The following PCTP variants were observed in gnomAD, a reference collection of about 807,000 sequenced individuals.
PCTP encodes the protein START domain-containing protein 2.
In PCTP, 27 loss-of-function variants were observed where a neutral mutation model predicts 31.0. That is an observed-to-expected ratio of 0.87 (90% CI 0.64 to 1.20). PCTP has a LOEUF of 1.20. Among genes scored for constraint, PCTP ranks in the 50% most tolerant of loss-of-function variants. The pLI is 0.00. For missense variants in PCTP, 287 were observed against 268.2 expected (o/e 1.07, Z -0.49); for synonymous variants, 108 against 101.2 (o/e 1.07, Z -0.40).
intron 3 of PCTP, among the ~76,000 whole-genome samples, chr17:55,805,251 T>C (rs1298918368): frequency 6.6e-6 from 1 of 152,166 alleles, no homozygotes; most frequent in Admixed American, 6.5e-5. Flanking sequence ...TGTGTTTTTT[T>C]CTTACATGAG....
chr17:55,835,354 G>A (rs1303257335), intron 5 of PCTP, among the ~76,000 whole-genome samples: 1 of 152,142 alleles, frequency 6.6e-6, no homozygotes, highest in African/African-American at 2.4e-5. Flanking sequence ...CACCACAAAA[G>A]CCTAAACTCC....
chr17:55,796,101 C>A (rs1307640117), intron 3 of PCTP, among the ~76,000 whole-genome samples: 1 of 151,902 alleles, frequency 6.6e-6, no homozygotes, highest in Admixed American at 6.6e-5. Context: ...CGAATTAAGG[C>A]AGCATGAAAG....
At chr17:55,781,804 G>A (rs2144987700), downstream of PCTP, among the ~76,000 whole-genome samples, 1 of 152,274 alleles carries the variant, frequency 6.6e-6, no homozygotes, top group Middle Eastern at 3.4e-3. Context: ...TATTTTTGTA[G>A]TAGGCTATAC....
At chr17:55,790,956 G>C (rs1277888833) in intron 3 of PCTP, among the ~76,000 whole-genome samples, 1 of 151,468 alleles carries the variant, frequency 6.6e-6, no homozygotes, top group Non-Finnish European at 1.5e-5. Flanking sequence ...CCAAAACAGA[G>C]ATATAGATCA....
chr17:55,777,762 G>A (rs1160945198), downstream of PCTP, among the ~76,000 whole-genome samples: 1 of 152,064 alleles, frequency 6.6e-6, no homozygotes, highest in Non-Finnish European at 1.5e-5. Flanking sequence ...TGCTCATTAT[G>A]GTCATCTGGA....
intron 5 of PCTP, among the ~76,000 whole-genome samples, chr17:55,837,758 CA>C (rs71363823): frequency 0.13 from 19,087 of 152,054 alleles, 1,362 homozygotes; most frequent in East Asian, 0.35. Flanking sequence ...CTCTCTTGCC[CA>C]GGGGTCGACT....
At chr17:55,774,989 G>A in intron 5 of PCTP, 130 bp downstream of exon 5, 3 of 1,031,748 alleles carry the variant, frequency 2.9e-6, no homozygotes, top group Non-Finnish European at 4.3e-6. Flanking sequence ...TTTATGAAGA[G>A]TTTGGTTGAG....
chr17:55,802,145 A>C (rs1372249135), intron 3 of PCTP, among the ~76,000 whole-genome samples: 1 of 152,214 alleles, frequency 6.6e-6, no homozygotes, highest in Non-Finnish European at 1.5e-5. Flanking sequence ...GGACACATAC[A>C]CACTCCCAAG....
intron 5 of PCTP, among the ~76,000 whole-genome samples, chr17:55,828,247 A>G (rs925930681): frequency 3.3e-5 from 5 of 152,168 alleles, no homozygotes; most frequent in African/African-American, 1.2e-4. Context: ...AAGTACTACA[A>G]ATTGGGTGGC....
chr17:55,840,389 C>A (rs190379835), intron 5 of PCTP, among the ~76,000 whole-genome samples: 1 of 152,152 alleles, frequency 6.6e-6, no homozygotes, highest in South Asian at 2.1e-4. Flanking sequence ...TGTATAATTC[C>A]AATCCACAGT....
In PCTP at chr17:55,773,762, AG is replaced by A. The variant is rs1379393997; in HGVS notation, c.381del (p.Arg128GlyfsTer5). Reference protein sequence around the residue: ...LRQRRDLDMEGRKIHVILARS... With the variant: ...LRQRRDLDMEXRKIHVILARS... ...GGCAGCGGCGAGACCTGGACATGGAAGGGAGGAAGATCCATGTGATCCTGGC... is the reference window on the plus strand; with the variant it reads ...GGCAGCGGCGAGACCTGGACATGGAAGGAGGAAGATCCATGTGATCCTGGC... On this transcript the variant is annotated frameshift_variant, in exon 4 of 6. Transcript: ENST00000268896. LOFTEE classifies it high-confidence loss of function. 8.7e-6 allele frequency: 14 copies of A among 1,613,726 alleles called. No homozygotes were observed. Among genetic ancestry groups the A allele is most frequent in the Non-Finnish European group, 1.2e-5 (14 of 1,179,898 alleles).
chr17:55,848,725 A>G, the PCTP span, among the ~76,000 whole-genome samples: 1 of 152,218 alleles, frequency 6.6e-6, no homozygotes, highest in Non-Finnish European at 1.5e-5. Flanking sequence ...TACCAGCTTC[A>G]GGATAAAACA....
At chr17:55,814,828 G>A (rs1912866660) in intron 3 of PCTP, among the ~76,000 whole-genome samples, 2 of 152,210 alleles carry the variant, frequency 1.3e-5, no homozygotes, top group African/African-American at 4.8e-5. Context: ...GGAACTAGCA[G>A]AACTGTCATC....
chr17:55,821,671 A>G (rs1307800216), intron 3 of PCTP, among the ~76,000 whole-genome samples: 1 of 152,224 alleles, frequency 6.6e-6, no homozygotes, highest in Non-Finnish European at 1.5e-5. Context: ...TTTATTTACA[A>G]AGGGAAAACA....
intron 3 of PCTP, among the ~76,000 whole-genome samples, chr17:55,795,040 A>G (rs938341010): frequency 1.3e-5 from 2 of 151,996 alleles, no homozygotes; most frequent in African/African-American, 2.4e-5. Flanking sequence ...AATTCTACCC[A>G]ATTCCACACA....
In PCTP at chr17:55,751,213, C is replaced by T; in HGVS notation, c.110C>T (p.Ser37Leu). The T allele has an allele frequency of 6.5e-7, 1 of 1,547,042 alleles. No homozygotes were observed. Residue 37 changes from serine (S) to leucine (L), a missense_variant, in exon 1 of 6, where the codon TCG (serine) becomes TTG (leucine). Transcript: ENST00000268896. ...GADWQLLVET[S>L]GISIYRLLDK... ...GACTGGCAGCTCCTAGTGGAGACCTCGGGCATCAGCATCTACCGGCTGCTG... is the reference window on the plus strand; with the variant it reads ...GACTGGCAGCTCCTAGTGGAGACCTTGGGCATCAGCATCTACCGGCTGCTG...
At chr17:55,806,244 G>A (rs990155605) in intron 3 of PCTP, among the ~76,000 whole-genome samples, 49 of 152,164 alleles carry the variant, frequency 3.2e-4, no homozygotes, top group African/African-American at 1.2e-3. Flanking sequence ...TCTACAGAGA[G>A]TGCCAGAGCA....
At chr17:55,831,380 A>G (rs1301188376) in intron 5 of PCTP, among the ~76,000 whole-genome samples, 3 of 152,186 alleles carry the variant, frequency 2.0e-5, no homozygotes, top group African/African-American at 7.2e-5. Flanking sequence ...GCAAGAAGCA[A>G]GGCTGGACAA....
At chr17:55,793,831 T>A (rs981572849) in intron 3 of PCTP, among the ~76,000 whole-genome samples, 1 of 152,170 alleles carries the variant, frequency 6.6e-6, no homozygotes, top group Non-Finnish European at 1.5e-5. Context: ...TAGCATTGTT[T>A]CTACCATTTT....
Sources: allele counts gnomAD v4.1 joint callset (sites outside exome capture counted in the v4.1 genomes callset), GRCh38; gene constraint gnomAD v4.1.1; transcripts MANE v1.5; gene names NCBI Gene and HGNC (gene_info 2026-07-23, HGNC 2026-07-21).